Variants in NEGR1 observed in about 807,000 individuals in gnomAD.
NEGR1 encodes the protein neuronal growth regulator 1, also known as IgLON family member 4.
NEGR1 carries 10 observed loss-of-function variants against 40.9 expected under a neutral mutation model. That is an observed-to-expected ratio of 0.24 (90% CI 0.15 to 0.42). The LOEUF is 0.42. Ranked by LOEUF, NEGR1 falls within the 10% of genes least tolerant of loss-of-function variation. NEGR1 has a pLI of 1.00. For synonymous variants in NEGR1, 185 were observed against 166.8 expected (o/e 1.11, Z -0.84); for missense variants, 352 against 438.9 (o/e 0.80, Z 1.77).
At chr1:71,809,208 TGCTTCCCTGA>T (rs1657895596) in intron 2 of NEGR1, among the ~76,000 whole-genome samples, 1 of 152,074 alleles carries the variant, frequency 6.6e-6, no homozygotes, top group South Asian at 2.1e-4. Context: ...TGGAAAGTGG[TGCTTCCCTGA>T]GTTTTTTATT....
At position 72,057,340 on chromosome 1, in the gene NEGR1, T is replaced by C. The variant is rs1241928416; in HGVS notation, c.177-122029A>G. Among the ~76,000 whole-genome samples the C allele has an allele frequency of 2.6e-5, 4 of 151,528 alleles. No individual in the cohort carries two copies. The East Asian group carries it at 7.8e-4, about 29-fold the overall frequency. On this transcript the variant is annotated intron_variant, in intron 1 of 6. Coordinates refer to ENST00000357731, the MANE Select transcript of NEGR1 (RefSeq NM_173808.3). ...TTGCAATTATTTAGTTTTCTATACC[T>C]TAGATTGGCATGTATAATAGTCTGT...
At chr1:71,917,639 C>G (rs981237487) in intron 2 of NEGR1, among the ~76,000 whole-genome samples, 2 of 150,456 alleles carry the variant, frequency 1.3e-5, no homozygotes, top group Non-Finnish European at 3.0e-5. Flanking sequence ...TTAGCCGGGC[C>G]TGGTGGCGGG....
intron 1 of NEGR1, among the ~76,000 whole-genome samples, chr1:72,023,527 G>C (rs1646779385): frequency 6.6e-6 from 1 of 151,574 alleles, no homozygotes; most frequent in Non-Finnish European, 1.5e-5. Flanking sequence ...GTGTAAATGA[G>C]AGTTGTGCTG....
At chr1:71,980,777 C>A (rs1421590784) in intron 1 of NEGR1, among the ~76,000 whole-genome samples, 1 of 152,104 alleles carries the variant, frequency 6.6e-6, no homozygotes, top group African/African-American at 2.4e-5. Context: ...CCACTTCCTG[C>A]CCTATATGCC....
chr1:72,129,739 G>A (rs1650171394), intron 1 of NEGR1, among the ~76,000 whole-genome samples: 1 of 152,176 alleles, frequency 6.6e-6, no homozygotes. Flanking sequence ...GGTAGTTAAT[G>A]ACATTTCTAT....
chr1:71,644,567 G>A (rs142806796), intron 4 of NEGR1, among the ~76,000 whole-genome samples: 4 of 152,028 alleles, frequency 2.6e-5, no homozygotes, highest in African/African-American at 9.6e-5. Context: ...GTGAGACAAT[G>A]TCTGACATAT....
chr1:71,412,259 G>A (rs944689516), intron 6 of NEGR1, among the ~76,000 whole-genome samples: 1 of 152,018 alleles, frequency 6.6e-6, no homozygotes, highest in African/African-American at 2.4e-5. Flanking sequence ...TGTCCTTTGT[G>A]CATGCAACCT....
intron 1 of NEGR1, among the ~76,000 whole-genome samples, chr1:71,972,023 G>C (rs2100320453): frequency 6.6e-6 from 1 of 152,300 alleles, no homozygotes; most frequent in South Asian, 2.1e-4. Context: ...ATCCATTGAA[G>C]TACAATTTAT....
chr1:71,949,381 T>C (rs112961963), intron 1 of NEGR1, among the ~76,000 whole-genome samples: 2 of 152,178 alleles, frequency 1.3e-5, no homozygotes, highest in African/African-American at 4.8e-5. Flanking sequence ...CACTGTTCAG[T>C]CACTCATTTA....
chr1:72,058,053 T>C (rs1238817301), intron 1 of NEGR1, among the ~76,000 whole-genome samples: 2 of 151,488 alleles, frequency 1.3e-5, no homozygotes, highest in Non-Finnish European at 3.0e-5. Context: ...TTTACTGACT[T>C]AGTTGGGAAA....
chr1:71,738,474 G>T, intron 3 of NEGR1: 1 of 155,478 alleles, frequency 6.4e-6, no homozygotes, highest in Non-Finnish European at 1.4e-5. Context: ...TCTGGTAAAT[G>T]TCAATATGAG....
rs373700339 is a variant in NEGR1 at position 71,688,309 on chromosome 1, C to CATATATATATATATATATATAT, written c.667+9698_667+9699insATATATATATATATATATATAT. 1.2e-3 allele frequency among the ~76,000 whole-genome samples: 48 copies of CATATATATATATATATATATAT among 41,326 alleles called. 2 individuals are homozygous for CATATATATATATATATATATAT. Among genetic ancestry groups the CATATATATATATATATATATAT allele is most frequent in the Non-Finnish European group, 1.8e-3 (41 of 22,382 alleles). The allele number at this position is 41,326 out of a possible 152,430, so 27.1% of individuals were successfully genotyped here. ...GGTGAACTGGAGGAGTTTCCCTTTT[C>CATATATATATATATATATATAT]ATATATATATATATATATAGATAGA... On this transcript the variant is annotated intron_variant, in intron 4 of 6. Transcript: ENST00000357731.
chr1:71,561,027 G>T (rs1648439911), intron 6 of NEGR1, among the ~76,000 whole-genome samples: 2 of 151,540 alleles, frequency 1.3e-5, no homozygotes, highest in African/African-American at 4.8e-5. Flanking sequence ...ATTGGGAAAA[G>T]ATTTCATAAT....
At position 71,488,404 on chromosome 1, in the gene NEGR1, A is replaced by C. The variant is rs77224588; in HGVS notation, c.941-80834T>G. Among the ~76,000 whole-genome samples, 894 of 151,898 alleles carry C rather than the reference A, an allele frequency of 5.9e-3. 5 individuals are homozygous for C. Among genetic ancestry groups the C allele is most frequent in the Non-Finnish European group, 9.6e-3 (653 of 67,830 alleles). On this transcript the variant is annotated intron_variant, in intron 6 of 6. Coordinates refer to ENST00000357731, the MANE Select transcript of NEGR1 (RefSeq NM_173808.3). ...ATTTTGTCAACTCTAATGCCTTGTAAAAAGTCACTTTCTGCTTATGAGACC... is the reference window on the plus strand; with the variant it reads ...ATTTTGTCAACTCTAATGCCTTGTACAAAGTCACTTTCTGCTTATGAGACC...
chr1:71,471,237 A>G (rs1421133866), intron 6 of NEGR1, among the ~76,000 whole-genome samples: 2 of 152,162 alleles, frequency 1.3e-5, no homozygotes, highest in East Asian at 3.9e-4. Context: ...TAAAACATCA[A>G]TGGTTTATGT....
chr1:71,920,368 A>G (rs915330900), intron 2 of NEGR1, among the ~76,000 whole-genome samples: 10 of 152,118 alleles, frequency 6.6e-5, no homozygotes, highest in Admixed American at 1.3e-4. Context: ...ATGACTTACT[A>G]TATACCCTAA....
chr1:71,990,559 T>C (rs1451965806), intron 1 of NEGR1, among the ~76,000 whole-genome samples: 2 of 152,102 alleles, frequency 1.3e-5, no homozygotes, highest in Non-Finnish European at 1.5e-5. Context: ...CCAAGTAATA[T>C]ATTTTTATAT....
chr1:72,145,955 TAA>T (rs2100345175), intron 1 of NEGR1, among the ~76,000 whole-genome samples: 1 of 152,298 alleles, frequency 6.6e-6, no homozygotes, highest in South Asian at 2.1e-4. Context: ...AGTTTTTCTT[TAA>T]AAGTTAAAGG....
chr1:71,834,594 C>T (rs1658951554), intron 2 of NEGR1, among the ~76,000 whole-genome samples: 1 of 151,916 alleles, frequency 6.6e-6, no homozygotes, highest in South Asian at 2.1e-4. Flanking sequence ...GTGACTTATA[C>T]AACTGGCTTT....
Sources: gnomAD v4.1 joint callset for allele counts (sites outside exome capture counted in the v4.1 genomes callset) on GRCh38, gnomAD v4.1.1 for gene constraint, MANE v1.5 for transcripts, NCBI Gene and HGNC (gene_info 2026-07-23, HGNC 2026-07-21) for gene names.